The following RARB variants were observed in gnomAD, a reference collection of about 807,000 sequenced individuals.
RARB encodes the protein HBV-activated protein.
In RARB, 17 loss-of-function variants were observed where a neutral mutation model predicts 51.9. The ratio of observed to expected loss-of-function variants is 0.33; its 90% CI spans 0.22 to 0.49. The LOEUF (loss-of-function observed/expected upper bound fraction) is 0.49, where lower values mean the gene tolerates loss of function less well. Ranked by LOEUF, RARB falls within the 20% of genes least tolerant of loss-of-function variation. The pLI is 0.99. For missense variants in RARB, 369 were observed against 550.8 expected, an observed-to-expected ratio of 0.67 and a Z score of 3.30; for synonymous variants, 215 against 195.4, an observed-to-expected ratio of 1.10 and a Z score of -0.84.
chr3:25,077,250 T>C (rs1045247302), intron 3 of RARB, among the ~76,000 whole-genome samples: 1 of 152,226 alleles, frequency 6.6e-6, no homozygotes, highest in Admixed American at 6.5e-5. Flanking sequence ...AATGTGCAGA[T>C]CTTACATATA....
At chr3:25,580,480 T>C in intron 4 of RARB, 66 bp from the exon 5 acceptor site, 1 of 1,391,146 alleles carries the variant, frequency 7.2e-7, no homozygotes, top group Non-Finnish European at 9.8e-7. Context: ...GGAAACACAT[T>C]GAATTTCTCC....
intron 2 of RARB, among the ~76,000 whole-genome samples, chr3:24,985,954 G>A (rs1006364300): frequency 2.0e-5 from 3 of 152,174 alleles, no homozygotes; most frequent in Non-Finnish European, 4.4e-5. Context: ...GAGACTTAGC[G>A]CTCATCTGTG....
intron 4 of RARB, among the ~76,000 whole-genome samples, chr3:25,155,070 G>A (rs1337726863): frequency 6.6e-6 from 1 of 152,004 alleles, no homozygotes. Context: ...TCTTCTCATT[G>A]CCATTCTCTG....
In RARB at chr3:24,875,033, A is replaced by T. The variant is rs567798083; in HGVS notation, c.-380+16281A>T. ...AATATGTAAACCTTAGAATGCATTAATGGGGGTAAATCTCTTGCAAATTTA... is the reference window on the plus strand; with the variant it reads ...AATATGTAAACCTTAGAATGCATTATTGGGGGTAAATCTCTTGCAAATTTA... On this transcript the variant is annotated intron_variant, in intron 2 of 11. Coordinates refer to the RARB transcript ENST00000383772. Among the ~76,000 whole-genome samples the T allele has an allele frequency of 7.9e-5, 12 of 152,220 alleles. No individual in the cohort carries two copies. The South Asian group carries it at 2.3e-3, about 29-fold the overall frequency.
At chr3:25,099,143 G>C (rs1035397877) in intron 3 of RARB, among the ~76,000 whole-genome samples, 1 of 152,122 alleles carries the variant, frequency 6.6e-6, no homozygotes, top group African/African-American at 2.4e-5. Context: ...GCATAAAAGG[G>C]AAGATGGTAA....
chr3:25,170,013 GA>G (rs34538957), intron 4 of RARB, among the ~76,000 whole-genome samples: 23,324 of 131,290 alleles, frequency 0.18, 2,067 homozygotes, highest in African/African-American at 0.26. Context: ...AAAAAAGAAA[GA>G]AAAAAAAAAA....
At chr3:24,988,846 G>A (rs1391889752) in intron 2 of RARB, among the ~76,000 whole-genome samples, 1 of 151,976 alleles carries the variant, frequency 6.6e-6, no homozygotes, top group African/African-American at 2.4e-5. Context: ...TTATTTTTGA[G>A]ACAGAGTCTT....
intron 2 of RARB, among the ~76,000 whole-genome samples, chr3:24,878,678 G>A (rs1703098067): frequency 6.6e-6 from 1 of 152,154 alleles, no homozygotes; most frequent in Non-Finnish European, 1.5e-5. Context: ...ATAACCAAAA[G>A]TATGCCCATA....
intron 3 of RARB, among the ~76,000 whole-genome samples, chr3:25,075,134 A>G (rs1018415287): frequency 6.6e-6 from 1 of 152,190 alleles, no homozygotes; most frequent in African/African-American, 2.4e-5. Flanking sequence ...ACAGTCTAAG[A>G]TGCAGATGTG....
intron 2 of RARB, among the ~76,000 whole-genome samples, chr3:25,050,484 T>G (rs1240508546): frequency 6.6e-6 from 1 of 152,326 alleles, no homozygotes; most frequent in South Asian, 2.1e-4. Context: ...AGTGATTTGA[T>G]TTTCGAGAAA....
intron 5 of RARB, among the ~76,000 whole-genome samples, chr3:25,263,983 T>A (rs1703066561): frequency 6.6e-6 from 1 of 152,122 alleles, no homozygotes; most frequent in African/African-American, 2.4e-5. Flanking sequence ...GCAAGGGATA[T>A]CAGGAGGTTG....
At chr3:25,066,445 C>G (rs915279194) in intron 3 of RARB, among the ~76,000 whole-genome samples, 2 of 152,100 alleles carry the variant, frequency 1.3e-5, no homozygotes, top group Non-Finnish European at 2.9e-5. Context: ...AATTTGTGCC[C>G]TATTCTTCCC....
intron 5 of RARB, among the ~76,000 whole-genome samples, chr3:25,236,958 C>CTGTT (rs1702315574): frequency 6.6e-6 from 1 of 151,458 alleles, no homozygotes; most frequent in Admixed American, 6.6e-5. Context: ...GTTCTCTTAT[C>CTGTT]CTGTTTCTTT....
intron 2 of RARB, among the ~76,000 whole-genome samples, chr3:24,940,721 T>G (rs941567664): frequency 2.0e-5 from 3 of 152,192 alleles, no homozygotes; most frequent in African/African-American, 7.2e-5. Flanking sequence ...ACTCCCATTC[T>G]GCTGCTTGGC....
intron 2 of RARB, among the ~76,000 whole-genome samples, chr3:25,014,627 C>T (rs1414433679): frequency 6.6e-6 from 1 of 152,068 alleles, no homozygotes; most frequent in Non-Finnish European, 1.5e-5. Context: ...TGCCCATGTT[C>T]CTGATTGACA....
chr3:25,544,670 C>T (rs1156695843), intron 3 of RARB, among the ~76,000 whole-genome samples: 1 of 152,114 alleles, frequency 6.6e-6, no homozygotes, highest in Non-Finnish European at 1.5e-5. Flanking sequence ...CATGGTCATT[C>T]CCCCGCCCCC....
chr3:24,839,728 G>GC (rs1473999545), intron 1 of RARB, among the ~76,000 whole-genome samples: 1 of 99,834 alleles, frequency 1.0e-5, no homozygotes, highest in African/African-American at 3.9e-5. Context: ...AAGGGGGGGG[G>GC]GGTGGGGGAA....
chr3:25,221,457 C>A (rs1463534573), intron 5 of RARB, among the ~76,000 whole-genome samples: 1 of 152,138 alleles, frequency 6.6e-6, no homozygotes, highest in Non-Finnish European at 1.5e-5. Context: ...TAATAATAAT[C>A]GTGGTAGTGA....
chr3:25,078,065 A>G (rs977775254), intron 3 of RARB, among the ~76,000 whole-genome samples: 11 of 152,212 alleles, frequency 7.2e-5, no homozygotes, highest in Non-Finnish European at 1.6e-4. Flanking sequence ...CTAGATATAA[A>G]TATTTTGAGA....
Sources: gnomAD v4.1 joint callset for allele counts (sites outside exome capture counted in the v4.1 genomes callset) on GRCh38, gnomAD v4.1.1 for gene constraint, MANE v1.5 for transcripts, NCBI Gene and HGNC (gene_info 2026-07-23, HGNC 2026-07-21) for gene names.